Variants in DPP6 observed in about 807,000 individuals in gnomAD.
The protein encoded by DPP6 is A-type potassium channel modulatory protein DPP6.
DPP6 carries 69 observed loss-of-function variants against 122.6 expected under a neutral mutation model. The observed-to-expected ratio is 0.56, with a 90% CI of 0.46 to 0.69. DPP6 has a LOEUF of 0.69. Among genes scored for constraint, DPP6 ranks in the 30% least tolerant of loss-of-function variants. DPP6 has a pLI of 0.00. For missense variants in DPP6, 928 were observed against 1,116.9 expected, an observed-to-expected ratio of 0.83 and a Z score of 2.41; for synonymous variants, 418 against 433.1, an observed-to-expected ratio of 0.97 and a Z score of 0.43.
At chr7:154,664,483 G>A (rs1368011191) in intron 6 of DPP6, among the ~76,000 whole-genome samples, 2 of 152,124 alleles carry the variant, frequency 1.3e-5, no homozygotes, top group African/African-American at 4.8e-5. Context: ...TCTGCCCTCT[G>A]TGCTTAGAAA....
chr7:154,785,488 T>C (rs1484061226), intron 10 of DPP6, among the ~76,000 whole-genome samples: 1 of 152,218 alleles, frequency 6.6e-6, no homozygotes, highest in African/African-American at 2.4e-5. Flanking sequence ...TCTATGTCAG[T>C]TACCTTTTTA....
chr7:154,883,084 CCTG>C (rs923969124), intron 21 of DPP6, among the ~76,000 whole-genome samples: 22 of 151,282 alleles, frequency 1.5e-4, no homozygotes, highest in African/African-American at 4.6e-4. Context: ...CACCCATACA[CCTG>C]CTCACCCATA....
intron 3 of DPP6, among the ~76,000 whole-genome samples, chr7:154,521,364 AT>A (rs1257845480): frequency 6.9e-6 from 1 of 145,414 alleles, no homozygotes; most frequent in Non-Finnish European, 1.5e-5. Flanking sequence ...CTACAAATAA[AT>A]TGTTTTTTTT....
intron 4 of DPP6, among the ~76,000 whole-genome samples, chr7:154,549,403 C>T (rs1829461950): frequency 6.6e-6 from 1 of 152,212 alleles, no homozygotes; most frequent in South Asian, 2.1e-4. Context: ...AGTAAAACTT[C>T]ATGATTCAGA....
At chr7:153,978,465 G>T (rs916951230) in intron 1 of DPP6, among the ~76,000 whole-genome samples, 1 of 152,046 alleles carries the variant, frequency 6.6e-6, no homozygotes, top group African/African-American at 2.4e-5. Context: ...TTGTCAGATG[G>T]ATAGATTGCA....
rs561355246 is a variant in DPP6 at position 154,255,160 on chromosome 7, C to T, written c.244-191054C>T. 7.9e-5 allele frequency among the ~76,000 whole-genome samples: 12 copies of T among 152,196 alleles called. No homozygotes were observed. The South Asian group carries it at 8.3e-4, about 11-fold the overall frequency. On this transcript the variant is annotated intron_variant, in intron 1 of 25. Coordinates refer to ENST00000377770, the MANE Select transcript of DPP6 (RefSeq NM_130797.4). ...TATTCAGACAGAGAGTTACAGGGTC[C>T]GTCCGAGGGGTGGAGGCACAGGCGG...
intron 1 of DPP6, among the ~76,000 whole-genome samples, chr7:153,999,990 A>AT (rs1563089062): frequency 1.3e-5 from 2 of 151,594 alleles, no homozygotes; most frequent in African/African-American, 4.8e-5. Context: ...GAAAAAAAAA[A>AT]CTCAAGCTCC....
chr7:154,181,116 G>A (rs1420888617), intron 1 of DPP6, among the ~76,000 whole-genome samples: 5 of 152,130 alleles, frequency 3.3e-5, no homozygotes, highest in African/African-American at 1.2e-4. Flanking sequence ...AACTTGCTTT[G>A]TTTCCATATT....
At chr7:154,852,314 T>C (rs1802461713) in intron 16 of DPP6, among the ~76,000 whole-genome samples, 1 of 152,162 alleles carries the variant, frequency 6.6e-6, no homozygotes. Flanking sequence ...TGTGAGTCCA[T>C]GGCATCCTGG....
At chr7:153,890,510 ATG>A (rs1439224851) in intron 1 of DPP6, among the ~76,000 whole-genome samples, 3 of 152,152 alleles carry the variant, frequency 2.0e-5, no homozygotes, top group African/African-American at 7.2e-5. Flanking sequence ...AGTTGAAAGT[ATG>A]TTCTTATAAA....
chr7:154,093,282 C>T (rs1805011028), intron 1 of DPP6, among the ~76,000 whole-genome samples: 1 of 146,314 alleles, frequency 6.8e-6, no homozygotes, highest in African/African-American at 2.6e-5. Context: ...ACATCATACA[C>T]ACCATACACA....
At chr7:153,990,689 G>C (rs1426517941) in intron 1 of DPP6, among the ~76,000 whole-genome samples, 11 of 151,852 alleles carry the variant, frequency 7.2e-5, no homozygotes, top group Non-Finnish European at 1.6e-4. Flanking sequence ...TCATGGCAGT[G>C]GGACCCCTCC....
intron 1 of DPP6, among the ~76,000 whole-genome samples, chr7:153,907,322 C>G (rs1799892541): frequency 6.6e-6 from 1 of 152,098 alleles, no homozygotes; most frequent in Admixed American, 6.6e-5. Context: ...TCGTGTGGAT[C>G]AAATCACAGC....
At chr7:154,791,832 G>A (rs1797700248) in intron 10 of DPP6, among the ~76,000 whole-genome samples, 1 of 152,220 alleles carries the variant, frequency 6.6e-6, no homozygotes, top group African/African-American at 2.4e-5. Flanking sequence ...TCCATCCAGT[G>A]GCACTCAGCC....
At chr7:154,391,137 C>T (rs1225822150) in intron 1 of DPP6, among the ~76,000 whole-genome samples, 1 of 152,194 alleles carries the variant, frequency 6.6e-6, no homozygotes, top group Non-Finnish European at 1.5e-5. Flanking sequence ...CTGTCCGCCG[C>T]GCGGCATCCG....
rs754804437 is a variant in DPP6, at chr7:154,241,867, C to T, written c.243+188804C>T. On this transcript the variant is annotated intron_variant, in intron 1 of 25. Transcript: ENST00000377770. This position sits in a 1 kb window ranked among gnomAD's most constrained non-coding sequence, Gnocchi z 9.0. Reference sequence around the variant, plus strand: ...GCCCTGTGTCATCTCTGCTTTTCCACCCACCCCTACCCCAACACTCATCCT... The same window carrying T: ...GCCCTGTGTCATCTCTGCTTTTCCATCCACCCCTACCCCAACACTCATCCT... Among the ~76,000 whole-genome samples, 1 of 152,192 alleles carries T rather than the reference C, an allele frequency of 6.6e-6. No individual in the cohort carries two copies. Among genetic ancestry groups the T allele is most frequent in the African/African-American group, 2.4e-5 (1 of 41,450 alleles).
chr7:154,862,064 C>G (rs1001341824), intron 17 of DPP6, among the ~76,000 whole-genome samples: 1 of 152,146 alleles, frequency 6.6e-6, no homozygotes, highest in Non-Finnish European at 1.5e-5. Context: ...GATGACAAGC[C>G]GACCATGTTA....
intron 3 of DPP6, among the ~76,000 whole-genome samples, chr7:154,512,373 T>C (rs1826159544): frequency 6.6e-6 from 1 of 152,216 alleles, no homozygotes; most frequent in Admixed American, 6.5e-5. Flanking sequence ...CTGTATTATT[T>C]TTCATGACAG....
At chr7:154,626,115 ATTAG>A (rs1301022885) in intron 5 of DPP6, among the ~76,000 whole-genome samples, 4 of 152,166 alleles carry the variant, frequency 2.6e-5, no homozygotes, top group Non-Finnish European at 5.9e-5. Context: ...ATCCTGGAAA[ATTAG>A]TTAGGAGGAA....
Sources: gnomAD v4.1 joint callset for allele counts (sites outside exome capture counted in the v4.1 genomes callset) on GRCh38, gnomAD v4.1.1 for gene constraint, Gnocchi (gnomAD v3.1) non-coding constraint, MANE v1.5 for transcripts, NCBI Gene and HGNC (gene_info 2026-07-23, HGNC 2026-07-21) for gene names.